Variants in TSNAXIP1 observed in about 807,000 individuals in gnomAD.
TSNAXIP1 encodes the protein translin-associated factor X-interacting protein 1.
A neutral mutation model predicts 84.8 loss-of-function variants in TSNAXIP1; 89 were observed. The observed-to-expected ratio is 1.05, with a 90% CI of 0.88 to 1.25. The LOEUF (loss-of-function observed/expected upper bound fraction) is 1.25. Ranked by LOEUF, TSNAXIP1 falls within the 50% of genes most tolerant of loss-of-function variation. The probability of loss-of-function intolerance (pLI) is 0.00; values close to 1 mark genes in which losing one functional copy is unlikely to be tolerated. For synonymous variants in TSNAXIP1, 347 were observed against 335.2 expected (o/e 1.04, Z -0.39); for missense variants, 874 against 887.6 (o/e 0.98, Z 0.20).
In TSNAXIP1 at chr16:67,826,860, T is replaced by C. The variant is rs774067121; in HGVS notation, c.1554+16T>C. On this transcript the variant is annotated intron_variant, in intron 12 of 15. Transcript: ENST00000561639. The stretch of plus-strand genomic sequence containing the variant: ...GATGGGAAAGGTGAGCTGGGGCCTA[T>C]TCCCCTTGGGGAGACTGAGAGGGGT... 17 of 1,612,758 alleles carry C rather than the reference T, an allele frequency of 1.1e-5. No homozygotes were observed. Among genetic ancestry groups the C allele is most frequent in the Non-Finnish European group, 1.4e-5 (16 of 1,179,708 alleles).
chr16:67,821,270 G>GGGGGT, intron 4 of TSNAXIP1, 45 bp downstream of exon 4: 2 of 874,328 alleles, frequency 2.3e-6, no homozygotes, highest in Non-Finnish European at 3.5e-6. Context: ...GGAAGGGTGG[G>GGGGGT]AAGAAGCTTC....
intron 5 of TSNAXIP1, 70 bp downstream of exon 5, chr16:67,823,789 G>C (rs377103449): frequency 1.5e-6 from 2 of 1,353,802 alleles, no homozygotes; most frequent in African/African-American, 2.9e-5. Context: ...AGGCCGAGGC[G>C]GTAGATCACT....
intron 1 of TSNAXIP1, among the ~76,000 whole-genome samples, chr16:67,810,636 A>T (rs2055971320): frequency 6.6e-6 from 1 of 152,110 alleles, no homozygotes; most frequent in South Asian, 2.1e-4. Context: ...TAAAAATAAA[A>T]GTAAATAAAT....
rs768938180 is a variant in TSNAXIP1, at chr16:67,825,757, T to C, written c.905T>C (p.Met302Thr). 1.5e-5 allele frequency: 25 copies of C among 1,613,942 alleles called. No homozygotes were observed. Among genetic ancestry groups the C allele is most frequent in the Non-Finnish European group, 2.1e-5 (25 of 1,180,014 alleles). Residue 302 changes from methionine to threonine, a missense_variant, in exon 8 of 16, where the codon ATG (methionine) becomes ACG (threonine). Met to Thr is a moderately conservative substitution (Grantham distance 81). Coordinates refer to ENST00000561639, the MANE Select transcript of TSNAXIP1 (RefSeq NM_001288990.3). ...LTRTQMELNNMKANFGDVVPR... is the reference protein window; with the variant it reads ...LTRTQMELNNTKANFGDVVPR... ...CGCACGCAGATGGAACTCAACAACA[T>C]GAAGGCCAACTTTGGAGATGTGGTC...
intron 1 of TSNAXIP1, chr16:67,807,842 A>G (rs2055613647): frequency 6.2e-6 from 1 of 160,474 alleles, no homozygotes; most frequent in Non-Finnish European, 1.4e-5. Context: ...TTGAACAAGT[A>G]AAGAAATACT....
intron 1 of TSNAXIP1, among the ~76,000 whole-genome samples, chr16:67,810,832 C>A (rs1453834060): frequency 1.3e-5 from 2 of 151,074 alleles, no homozygotes; most frequent in Admixed American, 6.6e-5. Flanking sequence ...CTCTGCCTCC[C>A]GGGTTCAAGC....
chr16:67,826,444 G>C lies in TSNAXIP1; in HGVS notation c.1283G>C (p.Gly428Ala), dbSNP rs1256620655. The C allele has an allele frequency of 6.2e-7, 1 of 1,613,522 alleles. No homozygotes were observed. The highest frequency in any genetic ancestry group is 8.5e-7 in the Non-Finnish European group (1 of 1,180,026). Residue 428 changes from glycine (G) to alanine (A), a missense_variant, in exon 11 of 16, where the codon GGG (glycine) becomes GCG (alanine). Transcript: ENST00000561639. Reference sequence around the variant, plus strand: ...TGATATCCTCCCTCCTAGGGCTATGGGGAAGCCATCCCTGCTTTTCTTCGG... The same window carrying C: ...TGATATCCTCCCTCCTAGGGCTATGCGGAAGCCATCCCTGCTTTTCTTCGG... Reference protein sequence around the residue: ...EKDFFPGLGYGEAIPAFLRFD... With the variant: ...EKDFFPGLGYAEAIPAFLRFD...
At chr16:67,807,374 G>A in intron 1 of TSNAXIP1, 178 bp downstream of exon 1, 2 of 1,531,322 alleles carry the variant, frequency 1.3e-6, no homozygotes, top group Middle Eastern at 1.7e-4. Flanking sequence ...GACGTTACGT[G>A]CTAGCAAAAC....
chr16:67,825,493 G>A (rs992115924), intron 7 of TSNAXIP1, among the ~76,000 whole-genome samples, 174 bp from the exon 8 acceptor site: 1 of 152,176 alleles, frequency 6.6e-6, no homozygotes, highest in Non-Finnish European at 1.5e-5. Context: ...GCTCCCAGTG[G>A]GCTGGACAGG....
intron 1 of TSNAXIP1, among the ~76,000 whole-genome samples, 171 bp from the exon 2 acceptor site, chr16:67,814,131 G>C (rs2056348948): frequency 6.6e-6 from 1 of 152,202 alleles, no homozygotes; most frequent in Non-Finnish European, 1.5e-5. Flanking sequence ...GTAAGCAAAT[G>C]GTTTGGACCC....
chr16:67,819,429 A>G (rs2056852982), intron 2 of TSNAXIP1, among the ~76,000 whole-genome samples: 1 of 151,034 alleles, frequency 6.6e-6, no homozygotes. Flanking sequence ...TTTTTAGTAG[A>G]GATGGAGTTT....
At chr16:67,820,735 C>T (rs2056973325) in intron 2 of TSNAXIP1, 104 bp from the exon 3 acceptor site, 3 of 834,344 alleles carry the variant, frequency 3.6e-6, no homozygotes, top group Non-Finnish European at 5.5e-6. Context: ...CAGAGCAAGA[C>T]TGTCTCAAAA....
At chr16:67,809,794 A>G (rs1309460421) in intron 1 of TSNAXIP1, among the ~76,000 whole-genome samples, 1 of 151,580 alleles carries the variant, frequency 6.6e-6, no homozygotes, top group East Asian at 2.0e-4. Context: ...CTAAAAATAC[A>G]AAAACTAGCC....
intron 6 of TSNAXIP1, 125 bp downstream of exon 6, chr16:67,824,904 A>G: frequency 1.7e-6 from 2 of 1,180,198 alleles, no homozygotes; most frequent in Non-Finnish European, 2.4e-6. Context: ...ACCTTCCCCC[A>G]GAGCCTTGCT....
rs1302013451 is a variant in TSNAXIP1, at chr16:67,808,049, A to G, written c.47+853A>G. Among the ~76,000 whole-genome samples, 3 of 152,270 alleles carry G rather than the reference A, an allele frequency of 2.0e-5. No homozygotes were observed. The East Asian group carries it at 5.8e-4, about 29-fold the overall frequency. On this transcript the variant is annotated intron_variant, in intron 1 of 15. Transcript: ENST00000561639. ...CTTCAAGTTCCAGGCCTCAGCTTATATATCTCAAACATGGGAATGATACAG... is the reference window on the plus strand; with the variant it reads ...CTTCAAGTTCCAGGCCTCAGCTTATGTATCTCAAACATGGGAATGATACAG...
At chr16:67,814,264 C>T in intron 1 of TSNAXIP1, 38 bp from the exon 2 acceptor site, 1 of 1,470,850 alleles carries the variant, frequency 6.8e-7, no homozygotes, top group Non-Finnish European at 9.2e-7. Context: ...CCACTCTGGA[C>T]TCTGTCACCC....
chr16:67,824,265 C>T (rs2151256527), intron 5 of TSNAXIP1, among the ~76,000 whole-genome samples: 1 of 152,154 alleles, frequency 6.6e-6, no homozygotes, highest in East Asian at 1.9e-4. Flanking sequence ...ATGGAGTGAA[C>T]CCCAGGAGAG....
In TSNAXIP1 at chr16:67,814,365, C is replaced by T. The variant is rs1332948789; in HGVS notation, c.111C>T (p.Thr37=). ...DESFLTEDKS[T]QNRKLLQKRR... ...CCTTTCTCACAGAAGACAAGAGCAC[C>T]CAGAATCGCAAGCTTCTTCAGAAAC... The change falls in exon 2 of 16, where the codon ACC becomes ACT. Residue 37 remains threonine (T), a synonymous_variant. Transcript: ENST00000561639. 2.0e-6 allele frequency: 3 copies of T among 1,535,926 alleles called. No homozygotes were observed. The highest frequency in any genetic ancestry group is 2.0e-5 in the Admixed American group (1 of 50,966).
In TSNAXIP1 at chr16:67,825,150, G is replaced by A. The variant is rs1210529090; in HGVS notation, c.692G>A (p.Arg231Lys). ...CCTTCTTGCCAGGTGACCAAACTGA[G>A]GAAGAACTTGGCTGAGGAGTACCTG... ...ISLQSEVTKL[R>K]KNLAEEYLHY... The change falls in exon 7 of 16, where the codon AGG (arginine) becomes AAG (lysine). Residue 231 changes from arginine (R) to lysine (K), a missense_variant. Arg to Lys is a conservative substitution (Grantham distance 26, BLOSUM62 2). Transcript: ENST00000561639. 6.2e-7 allele frequency: 1 copy of A among 1,614,038 alleles called. No homozygotes were observed. Among genetic ancestry groups the A allele is most frequent in the Non-Finnish European group, 8.5e-7 (1 of 1,180,016 alleles).
Sources: allele counts gnomAD v4.1 joint callset (sites outside exome capture counted in the v4.1 genomes callset), GRCh38; gene constraint gnomAD v4.1.1; transcripts MANE v1.5; gene names NCBI Gene and HGNC (gene_info 2026-07-23, HGNC 2026-07-21).